AP3D1: variants seen among roughly 807,000 people sequenced by gnomAD.
AP3D1 encodes adaptor related protein complex 3 subunit delta 1, also known as AP-3 complex subunit delta-1.
AP3D1 carries 51 observed loss-of-function variants against 147.6 expected under a neutral mutation model. The ratio of observed to expected loss-of-function variants is 0.35; its 90% CI spans 0.28 to 0.44. The LOEUF (loss-of-function observed/expected upper bound fraction) is 0.44, where lower values mean the gene tolerates loss of function less well. Ranked by LOEUF, AP3D1 falls within the 20% of genes least tolerant of loss-of-function variation. The pLI is 1.00. For missense variants in AP3D1, 1,421 were observed against 1,624.2 expected, an observed-to-expected ratio of 0.87 and a Z score of 2.15; for synonymous variants, 760 against 663.0, an observed-to-expected ratio of 1.15 and a Z score of -2.25.
chr19:2,137,121 G>T, intron 3 of AP3D1, 30 bp from the exon 4 acceptor site: 1 of 1,550,922 alleles, frequency 6.4e-7, no homozygotes, highest in Non-Finnish European at 8.7e-7. Context: ...CACATCAGAG[G>T]CAGGACACCC....
intron 1 of AP3D1, chr19:2,164,017 G>A: frequency 3.7e-6 from 1 of 267,114 alleles, no homozygotes; most frequent in Non-Finnish European, 6.2e-6. Context: ...TCGGGGGCCG[G>A]GCCGGACCGG....
At chr19:2,157,441 CAAAAAAAAAAA>C (rs137939397) in intron 1 of AP3D1, among the ~76,000 whole-genome samples, 17 of 101,126 alleles carry the variant, frequency 1.7e-4, no homozygotes, top group Admixed American at 2.1e-4. Flanking sequence ...GACTCCGTCT[CAAAAAAAAAAA>C]AAAAAAAAGA....
At position 2,115,356 on chromosome 19, in the gene AP3D1, C is replaced by T; in HGVS notation, c.2212G>A (p.Glu738Lys). ...CTCTTTTTCCTCCTCTTGTCCTTCT[C>T]CAGCTTCTGCCGGTGCCGCCGCTCC... is the stretch of plus-strand genomic sequence containing the variant. ...EEERRHRQKLEKDKRRKKRKE... is the reference protein window; with the variant it reads ...EEERRHRQKLKKDKRRKKRKE... The change falls in exon 20 of 32, where the codon GAG becomes AAG. Residue 738 changes from glutamate to lysine, a missense_variant. Physicochemically the swap from Glu to Lys is moderately conservative, Grantham distance 56 (BLOSUM62 1). Coordinates refer to ENST00000643116, the MANE Select transcript of AP3D1 (RefSeq NM_001261826.3). 1.2e-6 allele frequency: 2 copies of T among 1,608,038 alleles called. No homozygotes were observed. Among genetic ancestry groups the T allele is most frequent in the Non-Finnish European group, 1.7e-6 (2 of 1,179,864 alleles).
At chr19:2,155,359 T>A (rs2019636359), upstream of AP3D1, among the ~76,000 whole-genome samples, 2 of 135,066 alleles carry the variant, frequency 1.5e-5, no homozygotes, top group African/African-American at 3.0e-5. Context: ...AGACTCCATC[T>A]CAAAAAAAAA....
intron 9 of AP3D1, among the ~76,000 whole-genome samples, chr19:2,126,251 G>A (rs375018293): frequency 7.9e-5 from 12 of 152,224 alleles, no homozygotes; most frequent in African/African-American, 2.7e-4. Flanking sequence ...CCAATGCCCC[G>A]TGAGGCTTTG....
chr19:2,105,201 G>T (rs1261709845), intron 31 of AP3D1, among the ~76,000 whole-genome samples: 1 of 152,200 alleles, frequency 6.6e-6, no homozygotes, highest in Non-Finnish European at 1.5e-5. Flanking sequence ...GGGGCGTGAG[G>T]GGCAGCAGCC....
chr19:2,157,460 A>AAAAAAAAAG (rs1276331022), intron 1 of AP3D1, among the ~76,000 whole-genome samples: 33 of 132,950 alleles, frequency 2.5e-4, no homozygotes, highest in African/African-American at 8.9e-4. Flanking sequence ...AAAAAAAAAA[A>AAAAAAAAAG]GAAAAAAACA....
At chr19:2,141,123 T>C (rs967292075) in intron 1 of AP3D1, among the ~76,000 whole-genome samples, 1 of 152,106 alleles carries the variant, frequency 6.6e-6, no homozygotes, top group African/African-American at 2.4e-5. Flanking sequence ...AAGATTATAT[T>C]ATAAACATAG....
In AP3D1 at chr19:2,130,444, G is replaced by C. The variant is rs751564956; in HGVS notation, c.556C>G (p.Pro186Ala). Residue 186 changes from proline to alanine, a missense_variant, in exon 6 of 32, where the codon CCC becomes GCC. Physicochemically the swap from Pro to Ala is conservative, Grantham distance 27. Transcript: ENST00000643116. ...TCCTCCAGCTTCTCCTTCAGCCGGG[G>C]AAAGGCAGGGCGCAGCGACTCGGGG... ...KYPESLRPAF[P>A]RLKEKLEDPD... The C allele has an allele frequency of 1.4e-5, 22 of 1,613,950 alleles. No homozygotes were observed. The highest frequency in any genetic ancestry group is 1.3e-5 in the African/African-American group (1 of 74,946).
Position 2,118,776 on chromosome 19 carries a change from G to A in AP3D1, c.1538C>T (p.Thr513Met), listed in dbSNP as rs749496590. Residue 513 changes from threonine to methionine, a missense_variant, in exon 15 of 32, where the codon ACG becomes ATG. This residue lies in a region of AP3D1 where 310 missense variants were observed against 388.1 expected (regional missense o/e 0.80). Transcript: ENST00000643116. ...CACGGCCTGGATGTGGCCTGGCAGC[G>A]TGGTGACTCTGGGCCGCAGCATGGC... ...LEAMLRPRVT[T>M]LPGHIQAVYV... 3.2e-5 allele frequency: 51 copies of A among 1,613,700 alleles called. No homozygotes were observed. The highest frequency in any genetic ancestry group is 6.7e-5 in the East Asian group (3 of 44,894).
Position 2,137,767 on chromosome 19 carries a change from T to C in AP3D1, c.233A>G (p.Asn78Ser), listed in dbSNP as rs2019115842. 1 of 1,614,098 alleles carries C rather than the reference T, an allele frequency of 6.2e-7. No individual in the cohort carries two copies. Among genetic ancestry groups the C allele is most frequent in the Non-Finnish European group, 8.5e-7 (1 of 1,179,992 alleles). Residue 78 changes from asparagine (N) to serine (S), a missense_variant, in exon 3 of 32, where the codon AAC becomes AGC. Around this residue, in one of 6 missense-constraint regions of AP3D1, gnomAD observed 292 missense variants for 412.0 expected, o/e 0.71. Coordinates refer to ENST00000643116, the MANE Select transcript of AP3D1 (RefSeq NM_001261826.3). Reference sequence around the variant, plus strand: ...GGAGGCACTCATCACTTCTATGATGTTGAAGGCGGCCCAGCTGATGTCGTA... The same window carrying C: ...GGAGGCACTCATCACTTCTATGATGCTGAAGGCGGCCCAGCTGATGTCGTA... ...LGYDISWAAFNIIEVMSASKF... is the reference protein window; with the variant it reads ...LGYDISWAAFSIIEVMSASKF...
At chr19:2,120,643 G>A (rs541710374) in intron 14 of AP3D1, among the ~76,000 whole-genome samples, 31 of 152,332 alleles carry the variant, frequency 2.0e-4, no homozygotes, top group African/African-American at 6.7e-4. Context: ...AGATGCCCGA[G>A]GGCAGAGGGC....
In AP3D1 at chr19:2,110,714, C is replaced by A. The variant is rs377111065; in HGVS notation, c.3168G>T (p.Leu1056=). The change falls in exon 27 of 32, where the codon CTG becomes CTT. Residue 1056 remains leucine (L), a synonymous_variant. Transcript: ENST00000643116. ...VHDGVPVPFQ[L]PPGVSNEAQY... ...GAGTGGGGCAGGGCTCACCTGGGGG[C>A]AGCTGGAAAGGCACGGGGACGCCAT... 4 of 1,598,002 alleles carry A rather than the reference C, an allele frequency of 2.5e-6. No homozygotes were observed. Among genetic ancestry groups the A allele is most frequent in the Admixed American group, 1.7e-5 (1 of 58,418 alleles).
At position 2,143,230 on chromosome 19, in the gene AP3D1, A is replaced by ATTTTT. The variant is rs776434810; in HGVS notation, c.97-4521_97-4517dup. The stretch of plus-strand genomic sequence containing the variant: ...AGGCACGTGCCACCATGCCTGCCTA[A>ATTTTT]TTTTTTTTTTTTTTTTTTTTTTTTT... On this transcript the variant is annotated intron_variant, in intron 1 of 31. Coordinates refer to ENST00000643116, the MANE Select transcript of AP3D1 (RefSeq NM_001261826.3). Among the ~76,000 whole-genome samples the ATTTTT allele has an allele frequency of 1.6e-4, 12 of 74,342 alleles. 2 individuals carry two copies. The highest frequency in any genetic ancestry group is 4.6e-4 in the African/African-American group (8 of 17,332). The allele number at this position is 74,342 out of a possible 152,430, so 48.8% of individuals were successfully genotyped here.
rs745494333 is a variant in AP3D1, at chr19:2,132,534, C to T, written c.399G>A (p.Thr133=). Residue 133 remains threonine, a synonymous_variant, in exon 5 of 32, where the codon ACG becomes ACA. Coordinates refer to ENST00000643116, the MANE Select transcript of AP3D1 (RefSeq NM_001261826.3). The part of the protein sequence containing the change: ...PSQYDTGVAL[T]GLSCFVTPDL... ...CTGGGGTGACGAAGCAGGACAGACC[C>T]GTCAGTGCAACACCTGTGTCGTACT... The T allele has an allele frequency of 1.7e-5, 28 of 1,611,440 alleles. No individual in the cohort carries two copies. In the Middle Eastern group the frequency reaches 4.9e-4, roughly 28 times the overall value.
At position 2,115,318 on chromosome 19, in the gene AP3D1, C is replaced by T. The variant is rs778795157; in HGVS notation, c.2250G>A (p.Glu750=). The change falls in exon 20 of 32, where the codon GAG becomes GAA. Residue 750 remains glutamate, a synonymous_variant. Transcript: ENST00000643116. ...DKRRKKRKEK[E]KKGKRRHSSL... ...AGCTGTGGCGGCGCTTGCCCTTCTT[C>T]TCCTTCTCCTTCCTCTTTTTCCTCC... The T allele has an allele frequency of 4.8e-5, 77 of 1,611,624 alleles. No homozygotes were observed. The highest frequency in any genetic ancestry group is 3.3e-4 in the Middle Eastern group (2 of 6,084).
chr19:2,162,326 G>C (rs1209433730), intron 1 of AP3D1, among the ~76,000 whole-genome samples: 1 of 141,306 alleles, frequency 7.1e-6, no homozygotes, highest in African/African-American at 2.6e-5. Flanking sequence ...GTGAGCCACC[G>C]CACCCGGCCC....
At chr19:2,130,831 G>A (rs904733828) in intron 5 of AP3D1, among the ~76,000 whole-genome samples, 5 of 152,260 alleles carry the variant, frequency 3.3e-5, no homozygotes, top group Non-Finnish European at 5.9e-5. Flanking sequence ...CACAGGGAAC[G>A]AGGGTGTGCT....
chr19:2,147,811 G>A (rs563311524), intron 1 of AP3D1, among the ~76,000 whole-genome samples: 160 of 151,616 alleles, frequency 1.1e-3, no homozygotes, highest in South Asian at 1.5e-3. Context: ...CTTGAACCTG[G>A]GAGGTGGAGG....
Sources: gnomAD v4.1 joint callset for allele counts (sites outside exome capture counted in the v4.1 genomes callset) on GRCh38, gnomAD v4.1.1 for gene constraint, gnomAD v4.1.1 regional missense constraint, MANE v1.5 for transcripts, NCBI Gene and HGNC (gene_info 2026-07-23, HGNC 2026-07-21) for gene names.